Variants in CCDC85A observed in about 807,000 individuals in gnomAD.
CCDC85A encodes the protein coiled-coil domain-containing protein 85A.
A neutral mutation model predicts 50.2 loss-of-function variants in CCDC85A; 38 were observed. That is an observed-to-expected ratio of 0.76 (90% CI 0.58 to 0.99). The LOEUF (loss-of-function observed/expected upper bound fraction) is 0.99, where lower values mean the gene tolerates loss of function less well. Ranked by LOEUF, CCDC85A falls within the 50% of genes least tolerant of loss-of-function variation. CCDC85A has a pLI of 0.00. For missense variants in CCDC85A, 820 were observed against 742.0 expected (o/e 1.11, Z -1.22); for synonymous variants, 366 against 301.4 (o/e 1.21, Z -2.22).
rs765162828 is a variant in CCDC85A, at chr2:56,364,722, A to G, written c.1318-7622A>G. Among the ~76,000 whole-genome samples the G allele has an allele frequency of 3.9e-5, 6 of 152,202 alleles. No homozygotes were observed. The South Asian group carries it at 8.3e-4, about 21-fold the overall frequency. The stretch of plus-strand genomic sequence containing the variant: ...ACCAGAAAGTTGATAGTCATCCTGG[A>G]TAACTCCTTCAACCTCACTGCCTAC... On this transcript the variant is annotated intron_variant, in intron 3 of 5. Coordinates refer to ENST00000407595, the MANE Select transcript of CCDC85A (RefSeq NM_001080433.2).
At chr2:56,351,843 G>A (rs1168347537) in intron 3 of CCDC85A, among the ~76,000 whole-genome samples, 1 of 152,010 alleles carries the variant, frequency 6.6e-6, no homozygotes, top group Non-Finnish European at 1.5e-5. Context: ...CTGTGCAGAA[G>A]CTCTTTAGTT....
intron 2 of CCDC85A, among the ~76,000 whole-genome samples, chr2:56,193,797 G>GT (rs1221850226): frequency 6.6e-6 from 1 of 152,164 alleles, no homozygotes; most frequent in African/African-American, 2.4e-5. Flanking sequence ...TTTCTTAGTG[G>GT]TGTGTGCTGT....
intron 4 of CCDC85A, among the ~76,000 whole-genome samples, chr2:56,374,137 G>T (rs908809530): frequency 8.5e-5 from 13 of 152,220 alleles, no homozygotes; most frequent in African/African-American, 3.1e-4. Context: ...TTCATCACCT[G>T]CTGTACATTT....
intron 2 of CCDC85A, among the ~76,000 whole-genome samples, chr2:56,235,688 G>C (rs1310959313): frequency 3.3e-5 from 5 of 152,116 alleles, no homozygotes; most frequent in Non-Finnish European, 7.4e-5. Context: ...AAAAAGACAT[G>C]CACAAAATTC....
chr2:56,228,345 A>AATG (rs1668629904), intron 2 of CCDC85A, among the ~76,000 whole-genome samples: 1 of 150,896 alleles, frequency 6.6e-6, no homozygotes, highest in African/African-American at 2.4e-5. Flanking sequence ...TAATAATAAT[A>AATG]AAATTGAGGA....
At chr2:56,241,391 G>A (rs371738498) in intron 2 of CCDC85A, among the ~76,000 whole-genome samples, 100 of 151,936 alleles carry the variant, frequency 6.6e-4, no homozygotes, top group African/African-American at 1.9e-3. Context: ...TGTAGTTGCC[G>A]CGTTGTGCTA....
At chr2:56,266,147 C>A (rs139762892) in intron 2 of CCDC85A, among the ~76,000 whole-genome samples, 22 of 152,172 alleles carry the variant, frequency 1.4e-4, no homozygotes, top group African/African-American at 5.1e-4. Context: ...GTGAGAGTTG[C>A]AGGATATGGG....
At chr2:56,330,918 C>T (rs1224772884) in intron 2 of CCDC85A, among the ~76,000 whole-genome samples, 2 of 152,080 alleles carry the variant, frequency 1.3e-5, no homozygotes, top group African/African-American at 4.8e-5. Flanking sequence ...AAGGTACCTG[C>T]ACTTGTATAT....
chr2:56,186,901 T>G (rs188330135), intron 1 of CCDC85A, among the ~76,000 whole-genome samples: 39 of 152,280 alleles, frequency 2.6e-4, no homozygotes, highest in Admixed American at 1.8e-3. Flanking sequence ...TTAAAAGACT[T>G]GCCAGTCTAC....
chr2:56,361,654 G>C (rs1268726354), intron 3 of CCDC85A, among the ~76,000 whole-genome samples: 1 of 152,162 alleles, frequency 6.6e-6, no homozygotes. Flanking sequence ...ATTTCAGAAA[G>C]AGGAACAATG....
At chr2:56,376,613 AG>A in intron 5 of CCDC85A, among the ~76,000 whole-genome samples, 1 of 152,340 alleles carries the variant, frequency 6.6e-6, no homozygotes, top group South Asian at 2.1e-4. Flanking sequence ...ATGAAAAATC[AG>A]GACTATAGGT....
intron 2 of CCDC85A, among the ~76,000 whole-genome samples, chr2:56,253,700 T>C (rs1357279031): frequency 6.6e-6 from 1 of 151,732 alleles, no homozygotes; most frequent in Non-Finnish European, 1.5e-5. Flanking sequence ...TAGAAGAGAG[T>C]GGATTCAAGA....
At chr2:56,309,717 A>G (rs1475051187) in intron 2 of CCDC85A, among the ~76,000 whole-genome samples, 1 of 152,152 alleles carries the variant, frequency 6.6e-6, no homozygotes, top group Non-Finnish European at 1.5e-5. Context: ...GTGTATCCCA[A>G]TGTAAAAGGT....
At position 56,246,560 on chromosome 2, in the gene CCDC85A, G is replaced by C. The variant is rs79730695; in HGVS notation, c.1240+53120G>C. On this transcript the variant is annotated intron_variant, in intron 2 of 5. Coordinates refer to ENST00000407595, the MANE Select transcript of CCDC85A (RefSeq NM_001080433.2). ...TAACTTTTGTATATGGTATGAGGTA[G>C]AGTTCCAACTTGATTCTTTTTTTGT... Among the ~76,000 whole-genome samples the C allele has an allele frequency of 8.2e-3, 1,256 of 152,292 alleles. 20 individuals carry two copies. Among genetic ancestry groups the C allele is most frequent in the African/African-American group, 0.029 (1,199 of 41,550 alleles).
rs1168990586 is a variant in CCDC85A at position 56,184,083 on chromosome 2, T to C, written c.-542T>C. On this transcript the variant is annotated 5_prime_UTR_variant, in exon 1 of 6. Transcript: ENST00000407595. ...AGGCGGCAGGAGGAGCGCAGCAGCCTTCGGGCAGCCGCGGCGGCGTCGCTA... is the reference window on the plus strand; with the variant it reads ...AGGCGGCAGGAGGAGCGCAGCAGCCCTCGGGCAGCCGCGGCGGCGTCGCTA... The C allele has an allele frequency of 2.8e-5, 28 of 985,144 alleles. No homozygotes were observed. Among genetic ancestry groups the C allele is most frequent in the Non-Finnish European group, 3.4e-5 (28 of 829,948 alleles). 61.0% of individuals were successfully genotyped at this position (985,144 alleles called of 1,614,324 possible). A position where few individuals can be genotyped will look rare whatever the true frequency, so the allele number is the denominator to read the frequency against.
At chr2:56,202,438 A>G (rs1676784402) in intron 2 of CCDC85A, among the ~76,000 whole-genome samples, 1 of 152,168 alleles carries the variant, frequency 6.6e-6, no homozygotes. Context: ...AACATTCTTG[A>G]GAAGATGGTC....
chr2:56,345,632 T>G (rs1674597576), intron 3 of CCDC85A, among the ~76,000 whole-genome samples: 1 of 152,130 alleles, frequency 6.6e-6, no homozygotes, highest in Admixed American at 6.5e-5. Context: ...AGACAGTAGG[T>G]AAGACCCTAG....
At chr2:56,373,379 T>TAA (rs113972496) in intron 4 of CCDC85A, among the ~76,000 whole-genome samples, 28 of 138,286 alleles carry the variant, frequency 2.0e-4, no homozygotes, top group African/African-American at 4.2e-4. Flanking sequence ...ACTACTTTCA[T>TAA]AAAAAAAAAA....
intron 2 of CCDC85A, among the ~76,000 whole-genome samples, chr2:56,279,683 T>C (rs1028973731): frequency 6.6e-6 from 1 of 152,226 alleles, no homozygotes; most frequent in African/African-American, 2.4e-5. Flanking sequence ...TATTTATTTT[T>C]CTGTGCCTGG....
Sources: gnomAD v4.1 joint callset for allele counts (sites outside exome capture counted in the v4.1 genomes callset) on GRCh38, gnomAD v4.1.1 for gene constraint, MANE v1.5 for transcripts, NCBI Gene and HGNC (gene_info 2026-07-23, HGNC 2026-07-21) for gene names.